Variants in RAB6A observed in about 807,000 individuals in gnomAD.
The protein encoded by RAB6A is RAB6A, member RAS oncogene family.
Under a neutral mutation model 32.3 loss-of-function variants are expected in RAB6A, and 8 were observed. The ratio of observed to expected loss-of-function variants is 0.25; its 90% CI spans 0.15 to 0.45. The LOEUF is 0.45. Among genes scored for constraint, RAB6A ranks in the 20% least tolerant of loss-of-function variants. RAB6A has a pLI of 1.00. For synonymous variants in RAB6A, 73 were observed against 82.1 expected, an observed-to-expected ratio of 0.89 and a Z score of 0.60; for missense variants, 104 against 249.4, an observed-to-expected ratio of 0.42 and a Z score of 3.93.
chr11:73,726,020 C>T (rs776480155), intron 2 of RAB6A, among the ~76,000 whole-genome samples: 6 of 152,080 alleles, frequency 3.9e-5, no homozygotes, highest in Non-Finnish European at 7.4e-5. Context: ...GGCATGGTGG[C>T]TCACATCTGT....
At chr11:73,683,635 C>T (rs529734752) in intron 6 of RAB6A, among the ~76,000 whole-genome samples, 9 of 152,130 alleles carry the variant, frequency 5.9e-5, no homozygotes, top group African/African-American at 2.2e-4. Context: ...TCGCCACAAC[C>T]TCCGCCTCCT....
intron 6 of RAB6A, among the ~76,000 whole-genome samples, chr11:73,689,782 C>T (rs902265780): frequency 1.1e-4 from 17 of 151,506 alleles, no homozygotes; most frequent in African/African-American, 3.9e-4. Context: ...AGCTGTAACC[C>T]AACTACTTTG....
intron 6 of RAB6A, among the ~76,000 whole-genome samples, chr11:73,682,933 C>T (rs1239761673): frequency 1.3e-5 from 2 of 152,126 alleles, no homozygotes; most frequent in Non-Finnish European, 2.9e-5. Context: ...TAAACTTTGT[C>T]AGCTCAAAAT....
chr11:73,679,864 G>A (rs1945327373), intron 6 of RAB6A, 144 bp from the exon 7 acceptor site: 3 of 1,011,108 alleles, frequency 3.0e-6, no homozygotes, highest in South Asian at 1.4e-5. Context: ...CCCACCCGAG[G>A]TGGGCAGATC....
chr11:73,711,577 T>C (rs1275352302), intron 5 of RAB6A, among the ~76,000 whole-genome samples: 2 of 152,224 alleles, frequency 1.3e-5, no homozygotes, highest in African/African-American at 2.4e-5. Flanking sequence ...AATAGTGCTA[T>C]AGGAAATAGA....
intron 6 of RAB6A, among the ~76,000 whole-genome samples, chr11:73,687,677 G>T (rs1220458617): frequency 6.6e-6 from 1 of 152,174 alleles, no homozygotes; most frequent in Non-Finnish European, 1.5e-5. Context: ...CTAACATGAT[G>T]AAACCCCGTT....
At chr11:73,752,019 GACC>G (rs1173101977) in intron 1 of RAB6A, among the ~76,000 whole-genome samples, 7 of 152,052 alleles carry the variant, frequency 4.6e-5, no homozygotes, top group Non-Finnish European at 1.0e-4. Context: ...GTTTTTTGAG[GACC>G]ACATCAAACA....
rs73546567 is a variant in RAB6A, at chr11:73,694,671, G to A, written c.495+12749C>T. On this transcript the variant is annotated intron_variant, in intron 6 of 7. Transcript: ENST00000336083. The stretch of plus-strand genomic sequence containing the variant: ...GATGATCACTTGGGCCCAGAAGTTC[G>A]AGATCAGCCTGGGAATAAGGAGATC... Among the ~76,000 whole-genome samples, 576 of 152,208 alleles carry A rather than the reference G, an allele frequency of 3.8e-3. 4 individuals carry two copies. Among genetic ancestry groups the A allele is most frequent in the African/African-American group, 0.013 (546 of 41,544 alleles).
chr11:73,751,302 C>G (rs1400713542), intron 1 of RAB6A, among the ~76,000 whole-genome samples: 2 of 152,126 alleles, frequency 1.3e-5, no homozygotes, highest in Non-Finnish European at 2.9e-5. Flanking sequence ...AACAAACCAA[C>G]TAACCAACCC....
intron 1 of RAB6A, among the ~76,000 whole-genome samples, chr11:73,735,847 C>G (rs1028185515): frequency 1.3e-5 from 2 of 149,490 alleles, no homozygotes; most frequent in Non-Finnish European, 3.0e-5. Flanking sequence ...TCAAACCTAT[C>G]CCAACCTCAA....
At chr11:73,712,694 A>C (rs149748697) in intron 5 of RAB6A, among the ~76,000 whole-genome samples, 18 of 146,706 alleles carry the variant, frequency 1.2e-4, no homozygotes, top group Middle Eastern at 4.2e-3. Flanking sequence ...ATAACTTTTC[A>C]TGCAGCAAGA....
intron 6 of RAB6A, among the ~76,000 whole-genome samples, chr11:73,701,008 C>T (rs1945736242): frequency 6.6e-6 from 1 of 152,138 alleles, no homozygotes; most frequent in Non-Finnish European, 1.5e-5. Flanking sequence ...TGTAAAAGCT[C>T]TCTCACAATT....
chr11:73,746,335 A>G (rs544723783), intron 1 of RAB6A, among the ~76,000 whole-genome samples: 2 of 152,176 alleles, frequency 1.3e-5, no homozygotes, highest in South Asian at 4.1e-4. Context: ...TCAATCAAAC[A>G]TTTTCTCTAT....
intron 2 of RAB6A, among the ~76,000 whole-genome samples, chr11:73,723,951 G>T (rs1421502689): frequency 1.3e-5 from 2 of 152,056 alleles, no homozygotes; most frequent in Non-Finnish European, 2.9e-5. Flanking sequence ...CAATATATAA[G>T]ATTTTTTTTA....
In RAB6A at chr11:73,733,696, T is replaced by C. The variant is rs192986790; in HGVS notation, c.71-2873A>G. ...AACAAATTTCAGACACTACATAGAGTGAAAGAGACCAGATACAAAAGAATA... is the reference window on the plus strand; with the variant it reads ...AACAAATTTCAGACACTACATAGAGCGAAAGAGACCAGATACAAAAGAATA... On this transcript the variant is annotated intron_variant, in intron 1 of 7. Transcript: ENST00000336083. Among the ~76,000 whole-genome samples, 27 of 151,282 alleles carry C rather than the reference T, an allele frequency of 1.8e-4. No individual in the cohort carries two copies. The East Asian group carries it at 4.3e-3, about 24-fold the overall frequency.
chr11:73,707,694 T>G (rs1459466996), intron 5 of RAB6A, among the ~76,000 whole-genome samples, 181 bp from the exon 6 acceptor site: 1 of 152,226 alleles, frequency 6.6e-6, no homozygotes, highest in Non-Finnish European at 1.5e-5. Flanking sequence ...TGTGTATACT[T>G]AACATTTTTT....
chr11:73,711,817 C>A (rs1945961543), intron 5 of RAB6A, among the ~76,000 whole-genome samples: 2 of 152,208 alleles, frequency 1.3e-5, no homozygotes, highest in South Asian at 4.1e-4. Flanking sequence ...TTCTGGCAGT[C>A]TGAATCTGAG....
intron 1 of RAB6A, among the ~76,000 whole-genome samples, chr11:73,743,953 C>T (rs555219523): frequency 1.6e-3 from 248 of 152,302 alleles, no homozygotes; most frequent in African/African-American, 5.5e-3. Flanking sequence ...TGGCTCATGC[C>T]TGCAATCCCA....
chr11:73,745,303 T>C (rs2135002238), intron 1 of RAB6A, among the ~76,000 whole-genome samples: 1 of 152,314 alleles, frequency 6.6e-6, no homozygotes, highest in East Asian at 1.9e-4. Context: ...AATGAATTAA[T>C]TAACCAATGG....
Sources: allele counts gnomAD v4.1 joint callset (sites outside exome capture counted in the v4.1 genomes callset), GRCh38; gene constraint gnomAD v4.1.1; transcripts MANE v1.5; gene names NCBI Gene and HGNC (gene_info 2026-07-23, HGNC 2026-07-21).